Variants in ABCD2 observed in about 807,000 individuals in gnomAD.
ABCD2 encodes ATP-binding cassette sub-family D member 2.
In ABCD2, 36 loss-of-function variants were observed where a neutral mutation model predicts 70.9. The observed-to-expected ratio is 0.51, with a 90% CI of 0.39 to 0.67. ABCD2 has a LOEUF of 0.67. ABCD2 is among the 30% of genes least tolerant of loss of function. ABCD2 has a pLI of 0.00. For synonymous variants in ABCD2, 304 were observed against 306.9 expected, an observed-to-expected ratio of 0.99 and a Z score of 0.10; for missense variants, 729 against 890.2, an observed-to-expected ratio of 0.82 and a Z score of 2.30.
At chr12:39,539,037 G>A in the ABCD2 span, among the ~76,000 whole-genome samples, 1 of 152,074 alleles carries the variant, frequency 6.6e-6, no homozygotes, top group African/African-American at 2.4e-5. Context: ...ACACCACCTC[G>A]TGTTGTCTGT....
chr12:39,547,279 G>A (rs1941034353), downstream of ABCD2, among the ~76,000 whole-genome samples: 2 of 151,730 alleles, frequency 1.3e-5, no homozygotes, highest in African/African-American at 4.8e-5. Flanking sequence ...AAAACAGGAT[G>A]GAGATTCTAC....
At chr12:39,537,380 C>T in the ABCD2 span, among the ~76,000 whole-genome samples, 1 of 151,952 alleles carries the variant, frequency 6.6e-6, no homozygotes, top group African/African-American at 2.4e-5. Flanking sequence ...ATGCCAGCTG[C>T]CTAAAAATGA....
intron 8 of ABCD2, among the ~76,000 whole-genome samples, chr12:39,579,301 G>A (rs1047569233): frequency 6.6e-6 from 1 of 152,252 alleles, no homozygotes; most frequent in Non-Finnish European, 1.5e-5. Context: ...GACGGAGGTT[G>A]CAGTGAGCCA....
At chr12:39,579,434 A>G (rs1165973973) in intron 8 of ABCD2, 101 bp downstream of exon 8, 14 of 759,412 alleles carry the variant, frequency 1.8e-5, no homozygotes, top group Non-Finnish European at 3.1e-5. Context: ...TTTAAGCTAC[A>G]GATGAAGACG....
At chr12:39,581,844 C>T (rs1446184406) in intron 7 of ABCD2, among the ~76,000 whole-genome samples, 1 of 152,154 alleles carries the variant, frequency 6.6e-6, no homozygotes, top group Non-Finnish European at 1.5e-5. Context: ...ATAATGTTGC[C>T]TCTGACCCTG....
At chr12:39,586,041 C>T (rs1020669359) in intron 7 of ABCD2, 111 bp downstream of exon 7, 1 of 972,806 alleles carries the variant, frequency 1.0e-6, no homozygotes, top group Non-Finnish European at 1.5e-6. Context: ...CACTTATGTG[C>T]TTATTTCCGA....
Position 39,553,804 on chromosome 12 carries a change from C to G in ABCD2, c.*108G>C. On this transcript the variant is annotated 3_prime_UTR_variant, in exon 10 of 10. Coordinates refer to ENST00000308666, the MANE Select transcript of ABCD2 (RefSeq NM_005164.4). The stretch of plus-strand genomic sequence containing the variant: ...AATGCTAAAATCTTATAAAACATGT[C>G]TTGCTGCCTTTTTTTCTCTGTGCTT... 1 of 794,538 alleles carries G rather than the reference C, an allele frequency of 1.3e-6. No homozygotes were observed. Among genetic ancestry groups the G allele is most frequent in the Non-Finnish European group, 1.9e-6 (1 of 516,062 alleles). The allele number at this position is 794,538 out of a possible 1,614,324, so 49.2% of individuals were successfully genotyped here.
chr12:39,598,301 T>C (rs1312200904), intron 6 of ABCD2, among the ~76,000 whole-genome samples: 1 of 152,240 alleles, frequency 6.6e-6, no homozygotes, highest in East Asian at 1.9e-4. Context: ...ACTTGTGAAT[T>C]TCATACATAA....
chr12:39,570,253 A>G (rs772349494), intron 9 of ABCD2, among the ~76,000 whole-genome samples: 1 of 152,254 alleles, frequency 6.6e-6, no homozygotes, highest in Non-Finnish European at 1.5e-5. Flanking sequence ...TTTGTGTGCA[A>G]CTGCAAAACA....
the ABCD2 span, among the ~76,000 whole-genome samples, chr12:39,535,825 A>C: frequency 6.6e-6 from 1 of 152,250 alleles, no homozygotes; most frequent in Admixed American, 6.5e-5. Flanking sequence ...ATGCTATTGA[A>C]AGTATAAATT....
At position 39,573,708 on chromosome 12, in the gene ABCD2, A is replaced by G. The variant is rs572225049; in HGVS notation, c.2003+8T>C. On this transcript the variant is annotated splice_region_variant and intron_variant, in intron 9 of 9. Transcript: ENST00000308666. ...CATCTACCACAAATTAGCACTAGAA[A>G]CACTTACCAAAGAGAAGGTCTGTGT... 335 of 1,598,170 alleles carry G rather than the reference A, an allele frequency of 2.1e-4. 4 individuals are homozygous for G. In the South Asian group the frequency reaches 3.6e-3, roughly 17 times the overall value.
chr12:39,617,119 A>T lies in ABCD2; in HGVS notation c.989T>A (p.Met330Lys). 6.2e-7 allele frequency: 1 copy of T among 1,611,894 alleles called. No homozygotes were observed. Among genetic ancestry groups the T allele is most frequent in the Middle Eastern group, 1.7e-4 (1 of 6,052 alleles). ...CAAACGTTTGGATAAAATGAGGTTC[A>T]TCTGATCTGCTAAAGCTTTGTAACT... ...QKSYKALADQ[M>K]NLILSKRLWY... is the part of the protein sequence containing the mutation. The change falls in exon 2 of 10, where the codon ATG (methionine) becomes AAG (lysine). Residue 330 changes from methionine (M) to lysine (K), a missense_variant. Met to Lys is a moderately conservative substitution (Grantham distance 95). Transcript: ENST00000308666.
At chr12:39,565,039 G>A (rs1354672872) in intron 9 of ABCD2, among the ~76,000 whole-genome samples, 1 of 152,168 alleles carries the variant, frequency 6.6e-6, no homozygotes, top group East Asian at 1.9e-4. Flanking sequence ...TAGCCTTGTA[G>A]TATAGTTTGA....
At chr12:39,539,374 G>A in the ABCD2 span, among the ~76,000 whole-genome samples, 1 of 152,176 alleles carries the variant, frequency 6.6e-6, no homozygotes, top group Admixed American at 6.5e-5. Flanking sequence ...CTAATTGTAA[G>A]CTCAGTTAAT....
At chr12:39,611,043 T>C (rs1368097536) in intron 2 of ABCD2, among the ~76,000 whole-genome samples, 2 of 152,232 alleles carry the variant, frequency 1.3e-5, no homozygotes, top group Non-Finnish European at 2.9e-5. Context: ...TATTTAACAC[T>C]ATACCTGTTC....
At chr12:39,570,423 A>G (rs144569904) in intron 9 of ABCD2, among the ~76,000 whole-genome samples, 24 of 152,320 alleles carry the variant, frequency 1.6e-4, no homozygotes, top group South Asian at 8.3e-4. Context: ...GAACCCAGAA[A>G]TAAATCCTTG....
intron 7 of ABCD2, among the ~76,000 whole-genome samples, chr12:39,581,666 T>C (rs1453084191): frequency 6.6e-6 from 1 of 152,160 alleles, no homozygotes; most frequent in Admixed American, 6.6e-5. Flanking sequence ...AACTTTTTTT[T>C]CCCCTGCCCC....
intron 9 of ABCD2, among the ~76,000 whole-genome samples, chr12:39,569,078 A>T (rs1182764788): frequency 6.6e-6 from 1 of 152,140 alleles, no homozygotes; most frequent in Non-Finnish European, 1.5e-5. Context: ...GGTGTCAGGG[A>T]CCCACTTGAG....
chr12:39,617,012 T>C lies in ABCD2; in HGVS notation c.1096A>G (p.Thr366Ala). Residue 366 changes from threonine to alanine, a missense_variant, in exon 2 of 10, where the codon ACT becomes GCT. Transcript: ENST00000308666. ...GLIMVAIPII[T>A]ATGFADGEDG... ...CCACCATCTGCAAAGCCAGTTGCAG[T>C]GATAATAGGTATAGCCACCATAATT... 4 of 1,598,114 alleles carry C rather than the reference T, an allele frequency of 2.5e-6. No individual in the cohort carries two copies. The highest frequency in any genetic ancestry group is 3.4e-6 in the Non-Finnish European group (4 of 1,174,556).
Sources: gnomAD v4.1 joint callset for allele counts (sites outside exome capture counted in the v4.1 genomes callset) on GRCh38, gnomAD v4.1.1 for gene constraint, MANE v1.5 for transcripts, NCBI Gene and HGNC (gene_info 2026-07-23, HGNC 2026-07-21) for gene names.